MICU3: variants seen among roughly 807,000 people sequenced by gnomAD.
MICU3 encodes mitochondrial calcium uptake 3.
MICU3 carries 62 observed loss-of-function variants against 66.5 expected under a neutral mutation model. The ratio of observed to expected loss-of-function variants is 0.93; its 90% CI spans 0.76 to 1.15. The LOEUF (loss-of-function observed/expected upper bound fraction) is 1.15, where lower values mean the gene tolerates loss of function less well. Ranked by LOEUF, MICU3 falls within the 50% of genes most tolerant of loss-of-function variation. The pLI is 0.00. For missense variants in MICU3, 779 were observed against 664.4 expected (o/e 1.17, Z -1.90); for synonymous variants, 308 against 240.7 (o/e 1.28, Z -2.59).
At chr8:17,134,424 G>A in the MICU3 span, among the ~76,000 whole-genome samples, 1 of 142,676 alleles carries the variant, frequency 7.0e-6, no homozygotes, top group African/African-American at 2.6e-5. Context: ...TCAGAAGAAA[G>A]TCAGCCTTTT....
chr8:17,054,527 T>C (rs1047161933), intron 1 of MICU3, among the ~76,000 whole-genome samples: 7 of 152,160 alleles, frequency 4.6e-5, no homozygotes, highest in African/African-American at 1.7e-4. Context: ...TGCATAATTA[T>C]AGAGCAAAAT....
At chr8:17,110,828 C>G (rs1205806822) in intron 11 of MICU3, among the ~76,000 whole-genome samples, 1 of 152,072 alleles carries the variant, frequency 6.6e-6, no homozygotes, top group Non-Finnish European at 1.5e-5. Flanking sequence ...CCTCCCACCT[C>G]AACCTCCCAA....
Position 17,116,508 on chromosome 8 carries a change from G to A in MICU3, c.1432G>A (p.Val478Ile). ...ATTTTCACCACATTTAGTGAACACT[G>A]TCTTCAAGATTTTTGATGTTGACAA... The part of the protein sequence containing the change: ...LKFSPHLVNT[V>I]FKIFDVDKDD... Residue 478 changes from valine (V) to isoleucine (I), a missense_variant, in exon 13 of 15, where the codon GTC becomes ATC. Coordinates refer to ENST00000318063, the MANE Select transcript of MICU3 (RefSeq NM_181723.3). 2.6e-6 allele frequency: 4 copies of A among 1,566,336 alleles called. No homozygotes were observed. The highest frequency in any genetic ancestry group is 3.4e-6 in the Non-Finnish European group (4 of 1,162,870).
At chr8:17,132,676 C>G in the MICU3 span, 3 of 152,306 alleles carry the variant, frequency 2.0e-5, no homozygotes, top group Admixed American at 2.0e-4. Flanking sequence ...TTCAGTGGAA[C>G]CATTGTGTCT....
chr8:17,113,228 G>C (rs566346618), intron 11 of MICU3, among the ~76,000 whole-genome samples: 1 of 152,266 alleles, frequency 6.6e-6, no homozygotes, highest in East Asian at 1.9e-4. Context: ...TCTCACCCTT[G>C]TATTAAGTAA....
chr8:17,119,771 A>G (rs1468934300), intron 14 of MICU3, among the ~76,000 whole-genome samples: 3 of 152,190 alleles, frequency 2.0e-5, no homozygotes, highest in Non-Finnish European at 2.9e-5. Flanking sequence ...TTTACAAATT[A>G]GGTTTGAGAT....
chr8:17,076,572 C>T (rs1480158783), intron 3 of MICU3, among the ~76,000 whole-genome samples: 1 of 152,068 alleles, frequency 6.6e-6, no homozygotes, highest in Admixed American at 6.6e-5. Flanking sequence ...CCATAAATCC[C>T]CTAAAAATGC....
chr8:17,114,269 C>G lies in MICU3; in HGVS notation c.1366+68C>G. On this transcript the variant is annotated intron_variant, in intron 12 of 14. Transcript: ENST00000318063. ...ACATTGTTTCTATAGATTTTGGCAACCAATTAATTAAATATGACATATCAC... is the reference window on the plus strand; with the variant it reads ...ACATTGTTTCTATAGATTTTGGCAAGCAATTAATTAAATATGACATATCAC... The G allele has an allele frequency of 5.1e-6, 5 of 989,242 alleles. No homozygotes were observed. In the East Asian group the frequency reaches 7.5e-5, roughly 15 times the overall value. 61.3% of individuals were successfully genotyped at this position (989,242 alleles called of 1,614,324 possible).
the MICU3 span, among the ~76,000 whole-genome samples, chr8:17,127,842 C>G: frequency 1.8e-4 from 27 of 151,646 alleles, no homozygotes; most frequent in Middle Eastern, 3.4e-3. Flanking sequence ...TTTCTAGTGT[C>G]CTGTGATTTC....
chr8:17,055,980 A>C (rs1264610495), intron 1 of MICU3, among the ~76,000 whole-genome samples: 1 of 152,188 alleles, frequency 6.6e-6, no homozygotes, highest in African/African-American at 2.4e-5. Flanking sequence ...AGTTCACCTA[A>C]CTGCCTGCCT....
chr8:17,047,292 A>C, intron 1 of MICU3, among the ~76,000 whole-genome samples: 1 of 152,248 alleles, frequency 6.6e-6, no homozygotes, highest in South Asian at 2.1e-4. Context: ...CTGAAAGATA[A>C]TTTTGAAGAA....
rs6999470 is a variant in MICU3 at position 17,114,101 on chromosome 8, A to G, written c.1266A>G (p.Thr422=). The G allele has an allele frequency of 5.0e-6, 8 of 1,607,658 alleles. No individual in the cohort carries two copies. The highest frequency in any genetic ancestry group is 1.1e-5 in the South Asian group (1 of 90,066). The stretch of plus-strand genomic sequence containing the variant: ...TTCCTTTCCCAATATAGGGCATCAC[A>G]TTTGATGAATTCAGGTCATTTTTCC... The part of the protein sequence containing the change: ...RYSIPEEKGI[T]FDEFRSFFQF... Residue 422 remains threonine, a synonymous_variant, in exon 12 of 15, where the codon ACA becomes ACG. Coordinates refer to ENST00000318063, the MANE Select transcript of MICU3 (RefSeq NM_181723.3).
intron 2 of MICU3, among the ~76,000 whole-genome samples, chr8:17,064,912 T>C (rs1173076762): frequency 6.6e-6 from 1 of 152,118 alleles, no homozygotes; most frequent in African/African-American, 2.4e-5. Flanking sequence ...TGGCTGGTGG[T>C]AGTTGCAGCT....
intron 1 of MICU3, among the ~76,000 whole-genome samples, chr8:17,056,847 T>C (rs1037113632): frequency 2.6e-5 from 4 of 152,230 alleles, no homozygotes; most frequent in Non-Finnish European, 5.9e-5. Context: ...ACATCGTGGA[T>C]TCATCTCCTT....
chr8:17,130,995 A>G, the MICU3 span, among the ~76,000 whole-genome samples: 5 of 152,218 alleles, frequency 3.3e-5, no homozygotes, highest in African/African-American at 7.2e-5. Context: ...AAAAGATCCT[A>G]TGTAAACAGT....
At chr8:17,045,434 C>A (rs748554352) in intron 1 of MICU3, among the ~76,000 whole-genome samples, 14 of 152,174 alleles carry the variant, frequency 9.2e-5, no homozygotes, top group Admixed American at 5.2e-4. Flanking sequence ...TAGATCATAT[C>A]TTTTTTATCC....
At position 17,104,570 on chromosome 8, in the gene MICU3, G is replaced by A. The variant is rs1352784422; in HGVS notation, c.1085+79G>A. ...GGATCTTTAGAAATTGTCTAGTACA[G>A]CAATACTCACCTCTTTGTTACTTTA... On this transcript the variant is annotated intron_variant, in intron 10 of 14. Transcript: ENST00000318063. The A allele has an allele frequency of 6.5e-5, 41 of 634,102 alleles. No homozygotes were observed. The East Asian group carries it at 1.3e-3, about 20-fold the overall frequency. 39.3% of individuals were successfully genotyped at this position (634,102 alleles called of 1,614,324 possible).
chr8:17,114,487 C>T (rs1048793934), intron 12 of MICU3, among the ~76,000 whole-genome samples: 3 of 152,162 alleles, frequency 2.0e-5, no homozygotes, highest in African/African-American at 7.2e-5. Context: ...TAATTTAATG[C>T]CTGCTGACTC....
At chr8:17,043,505 G>C (rs1414033776) in intron 1 of MICU3, among the ~76,000 whole-genome samples, 5 of 152,240 alleles carry the variant, frequency 3.3e-5, no homozygotes, top group Admixed American at 2.6e-4. Flanking sequence ...CATAAGGACA[G>C]TGATAGGCAG....
Sources: allele counts gnomAD v4.1 joint callset (sites outside exome capture counted in the v4.1 genomes callset), GRCh38; gene constraint gnomAD v4.1.1; transcripts MANE v1.5; gene names NCBI Gene and HGNC (gene_info 2026-07-23, HGNC 2026-07-21).